Variants in CTNNBL1 observed in about 807,000 individuals in gnomAD.
The protein encoded by CTNNBL1 is beta-catenin-like protein 1.
In CTNNBL1, 31 loss-of-function variants were observed where a neutral mutation model predicts 72.7. The ratio of observed to expected loss-of-function variants is 0.43; its 90% confidence interval spans 0.32 to 0.58. The LOEUF is 0.58. CTNNBL1 is among the 20% of genes least tolerant of loss of function. The probability of loss-of-function intolerance (pLI) is 0.08; values close to 1 mark genes in which losing one functional copy is unlikely to be tolerated. For missense variants in CTNNBL1, 534 were observed against 725.1 expected, an observed-to-expected ratio of 0.74 and a Z score of 3.03; for synonymous variants, 240 against 267.3, an observed-to-expected ratio of 0.90 and a Z score of 1.00.
intron 1 of CTNNBL1, among the ~76,000 whole-genome samples, chr20:37,703,300 G>C (rs1320715479): frequency 6.6e-6 from 1 of 152,064 alleles, no homozygotes; most frequent in Non-Finnish European, 1.5e-5. Context: ...TCATTTTTCT[G>C]TTCCAGGTTT....
chr20:37,773,286 C>T (rs1049733321), intron 7 of CTNNBL1, among the ~76,000 whole-genome samples: 6 of 152,194 alleles, frequency 3.9e-5, no homozygotes, highest in Non-Finnish European at 8.8e-5. Flanking sequence ...CCCATGTGTT[C>T]CAGGTAGCAG....
intron 1 of CTNNBL1, among the ~76,000 whole-genome samples, chr20:37,705,326 A>T (rs1238756052): frequency 6.6e-6 from 1 of 152,236 alleles, no homozygotes; most frequent in Non-Finnish European, 1.5e-5. Flanking sequence ...TCTTAAAAAT[A>T]AAGGATTAAA....
intron 3 of CTNNBL1, among the ~76,000 whole-genome samples, chr20:37,745,294 A>T (rs1156625517): frequency 6.6e-6 from 1 of 152,142 alleles, no homozygotes; most frequent in Admixed American, 6.5e-5. Flanking sequence ...GTCCTGTGTG[A>T]CTTCAAGAGT....
At chr20:37,723,725 T>A (rs1280395352) in intron 1 of CTNNBL1, among the ~76,000 whole-genome samples, 1 of 152,230 alleles carries the variant, frequency 6.6e-6, no homozygotes, top group African/African-American at 2.4e-5. Flanking sequence ...AGGTGTATTG[T>A]TTAATCATCA....
At chr20:37,695,712 ATACT>A (rs1379123554) in intron 1 of CTNNBL1, among the ~76,000 whole-genome samples, 1 of 152,214 alleles carries the variant, frequency 6.6e-6, no homozygotes, top group Non-Finnish European at 1.5e-5. Flanking sequence ...CTTGAACAAA[ATACT>A]TAATTTCTCT....
intron 13 of CTNNBL1, among the ~76,000 whole-genome samples, chr20:37,858,000 G>A (rs892728405): frequency 2.6e-5 from 4 of 152,136 alleles, no homozygotes; most frequent in South Asian, 2.1e-4. Flanking sequence ...AAGAACAGCC[G>A]AGGCAACATA....
intron 11 of CTNNBL1, among the ~76,000 whole-genome samples, chr20:37,809,304 C>T (rs766105459): frequency 2.0e-5 from 3 of 152,156 alleles, no homozygotes; most frequent in Non-Finnish European, 4.4e-5. Context: ...GAAGACACTT[C>T]TGGTGGGAGG....
At chr20:37,766,520 G>C (rs1160722798) in intron 6 of CTNNBL1, among the ~76,000 whole-genome samples, 1 of 152,194 alleles carries the variant, frequency 6.6e-6, no homozygotes, top group Non-Finnish European at 1.5e-5. Flanking sequence ...GTGACAGACG[G>C]TATCGTAGGA....
intron 11 of CTNNBL1, among the ~76,000 whole-genome samples, chr20:37,805,114 C>T (rs574840650): frequency 6.6e-6 from 1 of 152,378 alleles, no homozygotes; most frequent in East Asian, 1.9e-4. Flanking sequence ...GGAGGCAGAG[C>T]AGAGCAGTGC....
At chr20:37,697,269 G>A (rs1222213662) in intron 1 of CTNNBL1, among the ~76,000 whole-genome samples, 1 of 152,110 alleles carries the variant, frequency 6.6e-6, no homozygotes, top group Non-Finnish European at 1.5e-5. Flanking sequence ...CACTCCTGTC[G>A]AAAATAACCC....
At chr20:37,861,895 G>A (rs752203122) in intron 15 of CTNNBL1, among the ~76,000 whole-genome samples, 14 of 152,206 alleles carry the variant, frequency 9.2e-5, no homozygotes, top group Non-Finnish European at 1.5e-4. Flanking sequence ...CCTGTGGGAA[G>A]CCTTGTGAGA....
chr20:37,816,031 G>C (rs116103276), intron 11 of CTNNBL1, among the ~76,000 whole-genome samples: 3,622 of 152,164 alleles, frequency 0.024, 138 homozygotes, highest in African/African-American at 0.081. Context: ...TTTTTTTATG[G>C]TAAGAAAATG....
intron 3 of CTNNBL1, among the ~76,000 whole-genome samples, chr20:37,745,201 G>A (rs770700795): frequency 6.6e-6 from 1 of 152,154 alleles, no homozygotes; most frequent in Non-Finnish European, 1.5e-5. Context: ...AGAATTCTAA[G>A]TCTCTAGATT....
Position 37,742,891 on chromosome 20 carries a change from C to T in CTNNBL1, c.327-3577C>T, listed in dbSNP as rs376845219. Among the ~76,000 whole-genome samples the T allele has an allele frequency of 6.1e-4, 93 of 152,256 alleles. 1 individual carries two copies. The East Asian group carries it at 0.015, about 24-fold the overall frequency. ...CGATCTTAGCTCACTGCAACCTCCA[C>T]CTCCCAGGTTCAAGCAATTCTCCTG... is the stretch of plus-strand genomic sequence containing the variant. On this transcript the variant is annotated intron_variant, in intron 3 of 15. Transcript: ENST00000361383.
rs745535538 is a variant in CTNNBL1, at chr20:37,779,290, G to A, written c.986G>A (p.Arg329His). Residue 329 changes from arginine (R) to histidine (H), a missense_variant, in exon 10 of 16, where the codon CGC (arginine) becomes CAC (histidine). Physicochemically the swap from Arg to His is conservative, Grantham distance 29. Transcript: ENST00000361383. Reference sequence around the variant, plus strand: ...CTAATGCTTAGTTCCAATCGTGAGCGCTTCCTGAAGGGCGAGGGTCTTCAG... The same window carrying A: ...CTAATGCTTAGTTCCAATCGTGAGCACTTCCTGAAGGGCGAGGGTCTTCAG... Reference protein sequence around the residue: ...SCLMLSSNRERFLKGEGLQLM... With the variant: ...SCLMLSSNREHFLKGEGLQLM... The A allele has an allele frequency of 7.4e-6, 12 of 1,613,690 alleles. No homozygotes were observed. Among genetic ancestry groups the A allele is most frequent in the South Asian group, 4.4e-5 (4 of 91,052 alleles).
intron 11 of CTNNBL1, among the ~76,000 whole-genome samples, chr20:37,837,030 G>A (rs1600519201): frequency 6.6e-6 from 1 of 152,172 alleles, no homozygotes; most frequent in East Asian, 1.9e-4. Flanking sequence ...TCCCATATCT[G>A]TTCACCAGCT....
intron 15 of CTNNBL1, among the ~76,000 whole-genome samples, chr20:37,871,027 A>G (rs746004789): frequency 6.6e-6 from 1 of 152,200 alleles, no homozygotes; most frequent in African/African-American, 2.4e-5. Flanking sequence ...GCTCCACACA[A>G]GCAGAAATTT....
intron 3 of CTNNBL1, chr20:37,744,663 A>T (rs2122619495): frequency 6.6e-6 from 1 of 152,280 alleles, no homozygotes; most frequent in South Asian, 2.1e-4. Flanking sequence ...TGCTGTGGTG[A>T]GTGAGGGATT....
chr20:37,810,006 A>G (rs1474305708), intron 11 of CTNNBL1, among the ~76,000 whole-genome samples: 1 of 152,218 alleles, frequency 6.6e-6, no homozygotes. Context: ...TCTGTCCTGT[A>G]GTAGTTTTCA....
Sources: gnomAD v4.1 joint callset for allele counts (sites outside exome capture counted in the v4.1 genomes callset) on GRCh38, gnomAD v4.1.1 for gene constraint, MANE v1.5 for transcripts, NCBI Gene and HGNC (gene_info 2026-07-23, HGNC 2026-07-21) for gene names.